The following KCNIP4 variants were observed in gnomAD, a reference collection of about 807,000 sequenced individuals.
KCNIP4 encodes Kv channel-interacting protein 4.
Under a neutral mutation model 34.0 loss-of-function variants are expected in KCNIP4, and 12 were observed. That is an observed-to-expected ratio of 0.35 (90% CI 0.23 to 0.57). The LOEUF is 0.57. Among genes scored for constraint, KCNIP4 ranks in the 20% least tolerant of loss-of-function variants. KCNIP4 has a pLI of 0.83. For synonymous variants in KCNIP4, 124 were observed against 102.2 expected, an observed-to-expected ratio of 1.21 and a Z score of -1.29; for missense variants, 238 against 311.7, an observed-to-expected ratio of 0.76 and a Z score of 1.78.
At chr4:21,439,431 A>T (rs1416592403) in intron 1 of KCNIP4, among the ~76,000 whole-genome samples, 1 of 152,190 alleles carries the variant, frequency 6.6e-6, no homozygotes, top group Non-Finnish European at 1.5e-5. Context: ...TAATTCACTG[A>T]TAGTTTCAAA....
chr4:21,239,175 T>G (rs10002966), intron 1 of KCNIP4, among the ~76,000 whole-genome samples: 17,115 of 150,702 alleles, frequency 0.11, 2,197 homozygotes, highest in African/African-American at 0.32. Flanking sequence ...TAGCCATAGG[T>G]AGAAAGCTGA....
intron 1 of KCNIP4, among the ~76,000 whole-genome samples, chr4:21,568,733 A>G (rs549118613): frequency 6.6e-6 from 1 of 152,192 alleles, no homozygotes; most frequent in East Asian, 1.9e-4. Context: ...AGACTGCACT[A>G]TGGGCTTCCC....
At chr4:21,778,149 C>T (rs1451077566) in intron 1 of KCNIP4, among the ~76,000 whole-genome samples, 2 of 148,208 alleles carry the variant, frequency 1.3e-5, no homozygotes, top group Non-Finnish European at 3.0e-5. Context: ...TTTCATAACT[C>T]TTATGATCAA....
intron 1 of KCNIP4, among the ~76,000 whole-genome samples, chr4:21,757,257 GAAAAGA>G (rs1717711746): frequency 3.4e-5 from 1 of 29,270 alleles, no homozygotes; most frequent in Admixed American, 2.4e-4. Context: ...GAAAAGAAAA[GAAAAGA>G]AAAGAAAAGA....
intron 1 of KCNIP4, among the ~76,000 whole-genome samples, chr4:21,198,535 T>C (rs1756227955): frequency 1.3e-5 from 2 of 152,204 alleles, no homozygotes; most frequent in African/African-American, 4.8e-5. Flanking sequence ...AGACAGGCAC[T>C]GTATTGTGCC....
intron 1 of KCNIP4, among the ~76,000 whole-genome samples, chr4:20,975,415 G>A (rs534887263): frequency 2.1e-4 from 32 of 152,148 alleles, no homozygotes; most frequent in Admixed American, 1.5e-3. Context: ...CAATAATACC[G>A]AAAATGAAAA....
intron 3 of KCNIP4, among the ~76,000 whole-genome samples, chr4:20,784,753 G>T (rs1711721871): frequency 6.6e-6 from 1 of 152,234 alleles, no homozygotes; most frequent in Non-Finnish European, 1.5e-5. Flanking sequence ...CTGTCAGTTG[G>T]CTCACAATCG....
rs184636040 is a variant in KCNIP4 at position 20,740,048 on chromosome 4, T to C, written c.430-5313A>G. 8.7e-5 allele frequency among the ~76,000 whole-genome samples: 13 copies of C among 148,680 alleles called. No individual in the cohort carries two copies. The East Asian group carries it at 2.4e-3, about 27-fold the overall frequency. On this transcript the variant is annotated intron_variant, in intron 5 of 8. Coordinates refer to ENST00000382152, the MANE Select transcript of KCNIP4 (RefSeq NM_025221.6). ...GCGAGAAGAGAAGTATAGAGAAAAATGAGTTAAACAAAGCCTCCAGGAAAT... is the reference window on the plus strand; with the variant it reads ...GCGAGAAGAGAAGTATAGAGAAAAACGAGTTAAACAAAGCCTCCAGGAAAT...
At chr4:21,328,968 C>A (rs1715356215) in intron 1 of KCNIP4, among the ~76,000 whole-genome samples, 1 of 152,246 alleles carries the variant, frequency 6.6e-6, no homozygotes, top group Non-Finnish European at 1.5e-5. Flanking sequence ...CCATTCAGGG[C>A]AGTGGGCTCT....
intron 1 of KCNIP4, among the ~76,000 whole-genome samples, chr4:21,358,785 T>A (rs953967033): frequency 6.6e-6 from 1 of 152,104 alleles, no homozygotes; most frequent in Non-Finnish European, 1.5e-5. Context: ...GCATATCTGA[T>A]TGCCTCCTTT....
chr4:20,991,248 T>C (rs1216672353), intron 1 of KCNIP4, among the ~76,000 whole-genome samples: 2 of 152,220 alleles, frequency 1.3e-5, no homozygotes, highest in Non-Finnish European at 2.9e-5. Context: ...AGATTTAAAA[T>C]GCGAATGACC....
chr4:20,843,258 T>A (rs557232616), intron 3 of KCNIP4, among the ~76,000 whole-genome samples: 3 of 152,000 alleles, frequency 2.0e-5, no homozygotes, highest in Non-Finnish European at 4.4e-5. Context: ...GTCAAAATAA[T>A]CTCTCCACAC....
chr4:20,854,582 A>G (rs540948998), intron 2 of KCNIP4, among the ~76,000 whole-genome samples: 1 of 152,306 alleles, frequency 6.6e-6, no homozygotes, highest in South Asian at 2.1e-4. Context: ...ACAAATCACC[A>G]CTGAAGAACT....
intron 1 of KCNIP4, among the ~76,000 whole-genome samples, chr4:21,809,923 G>C (rs947412264): frequency 1.3e-5 from 2 of 152,168 alleles, no homozygotes; most frequent in African/African-American, 2.4e-5. Context: ...AAAGAAGTAA[G>C]GCATTAATCC....
chr4:21,517,766 A>G (rs981502395), intron 1 of KCNIP4, among the ~76,000 whole-genome samples: 5 of 152,152 alleles, frequency 3.3e-5, no homozygotes, highest in African/African-American at 1.2e-4. Flanking sequence ...ATCTCCCTTA[A>G]CAAAAGGTTA....
intron 1 of KCNIP4, among the ~76,000 whole-genome samples, chr4:21,403,299 G>A (rs1008707545): frequency 2.0e-5 from 3 of 152,086 alleles, no homozygotes; most frequent in Admixed American, 6.6e-5. Context: ...AAATTATATT[G>A]GCTATATTTG....
chr4:21,413,078 G>A (rs867385269), intron 1 of KCNIP4, among the ~76,000 whole-genome samples: 1 of 152,132 alleles, frequency 6.6e-6, no homozygotes, highest in Non-Finnish European at 1.5e-5. Flanking sequence ...GCATTTCCTC[G>A]CTACAATAAC....
chr4:20,954,347 A>C, intron 1 of KCNIP4, among the ~76,000 whole-genome samples: 1 of 152,212 alleles, frequency 6.6e-6, no homozygotes, highest in African/African-American at 2.4e-5. Flanking sequence ...CATGAAATCA[A>C]TGTGGTTTTG....
intron 1 of KCNIP4, among the ~76,000 whole-genome samples, chr4:21,742,613 A>T (rs1716490459): frequency 6.6e-6 from 1 of 152,322 alleles, no homozygotes; most frequent in East Asian, 1.9e-4. Context: ...TTTAGGGCCA[A>T]CCAGATGTAC....
Sources: gnomAD v4.1 joint callset for allele counts (sites outside exome capture counted in the v4.1 genomes callset) on GRCh38, gnomAD v4.1.1 for gene constraint, MANE v1.5 for transcripts, NCBI Gene and HGNC (gene_info 2026-07-23, HGNC 2026-07-21) for gene names.